The following TREX2 variants were observed in gnomAD, a reference collection of about 807,000 sequenced individuals.
The protein encoded by TREX2 is three prime repair exonuclease 2.
For missense variants in TREX2, 242 were observed against 235.3 expected (o/e 1.03, Z -0.19); for synonymous variants, 121 against 112.1 (o/e 1.08, Z -0.50).
Position 153,444,651 on chromosome X carries a change from G to A in TREX2, c.*69C>T, listed in dbSNP as rs1032255379. On this transcript the variant is annotated 3_prime_UTR_variant, in exon 2 of 2. Transcript: ENST00000370231. The stretch of plus-strand genomic sequence containing the variant: ...TGAGGCTGCCCAGATAGGAGGAGCC[G>A]GGGGTGGTAGAGGCCAGCTGAACGG... 6.1e-5 allele frequency: 68 copies of A among 1,105,699 alleles called. No individual in the cohort carries two copies. Among genetic ancestry groups the A allele is most frequent in the East Asian group, 1.3e-4 (4 of 30,450 alleles). 91.1% of individuals were successfully genotyped at this position (1,105,699 alleles called of 1,213,427 possible). A position where few individuals can be genotyped will look rare whatever the true frequency, so the allele number is the denominator to read the frequency against.
intron 1 of TREX2, chrX:153,445,792 G>C: frequency 2.5e-6 from 1 of 394,443 alleles, no homozygotes; most frequent in South Asian, 3.6e-5. Flanking sequence ...TGGGAACCTG[G>C]GGCATAGCAC....
At position 153,444,664 on chromosome X, in the gene TREX2, G is replaced by T; in HGVS notation, c.*56C>A. On this transcript the variant is annotated 3_prime_UTR_variant, in exon 2 of 2. Transcript: ENST00000370231. ...ATAGGAGGAGCCGGGGGTGGTAGAG[G>T]CCAGCTGAACGGTGGAGGCTGGCAC... 8.8e-7 allele frequency: 1 copy of T among 1,141,646 alleles called. No individual in the cohort carries two copies. The highest frequency in any genetic ancestry group is 1.9e-5 in the South Asian group (1 of 52,180). 94.1% of individuals were successfully genotyped at this position (1,141,646 alleles called of 1,213,427 possible). A position where few individuals can be genotyped will look rare whatever the true frequency, so the allele number is the denominator to read the frequency against.
Position 153,445,019 on chromosome X carries a change from G to A in TREX2, c.412C>T (p.Leu138=). The A allele has an allele frequency of 9.4e-6, 11 of 1,168,870 alleles. No individual in the cohort carries two copies. The highest frequency in any genetic ancestry group is 1.3e-5 in the Non-Finnish European group (11 of 874,096). The change falls in exon 2 of 2, where the codon CTG becomes TTG. Residue 138 remains leucine (L), a synonymous_variant. Coordinates refer to ENST00000370231, the MANE Select transcript of TREX2 (RefSeq NM_080701.4). ...TCCAGGCAGACAGTGTCCCGGGGCA[G>A]GCGGGCACCCAGGCGCCGCAGCTCG... ...CAELRRLGAR[L]PRDTVCLDTL...
rs1396699864 is a variant in TREX2, at chrX:153,444,872, C to G, written c.559G>C (p.Ala187Pro). 8.3e-7 allele frequency: 1 copy of G among 1,204,960 alleles called. No individual in the cohort carries two copies. Among genetic ancestry groups the G allele is most frequent in the Non-Finnish European group, 1.1e-6 (1 of 892,735 alleles). ...HRYFRAEPSA[A>P]HSAEGDVHTL... ...TGCACGTCGCCCTCGGCTGAGTGGG[C>G]TGCGCTTGGCTCTGCCCGGAAGTAG... Residue 187 changes from alanine to proline, a missense_variant, in exon 2 of 2, where the codon GCC becomes CCC. Ala to Pro is a conservative substitution (Grantham distance 27). Transcript: ENST00000370231.
chrX:153,445,784 G>A (rs1447314477), intron 1 of TREX2: 3 of 399,863 alleles, frequency 7.5e-6, no homozygotes, highest in Non-Finnish European at 8.8e-6. Context: ...GCCTTGGCTG[G>A]GAACCTGGGG....
At position 153,445,170 on chromosome X, in the gene TREX2, T is replaced by G. The variant is rs1457444478; in HGVS notation, c.261A>C (p.Arg87=). The change falls in exon 2 of 2, where the codon CGA becomes CGC. Residue 87 remains arginine (R), a synonymous_variant. Coordinates refer to ENST00000370231, the MANE Select transcript of TREX2 (RefSeq NM_080701.4). ...ITGLSSEGLA[R]CRKAGFDGAV... The stretch of plus-strand genomic sequence containing the variant: ...CGCCATCAAAGCCAGCCTTCCGGCA[T>G]CGCGCCAGGCCCTCACTGCTCAGGC... The G allele has an allele frequency of 5.0e-6, 6 of 1,208,443 alleles. No individual in the cohort carries two copies. In the African/African-American group the frequency reaches 1.0e-4, roughly 21 times the overall value.
In TREX2 at chrX:153,445,503, G is replaced by C. The variant is rs185273996; in HGVS notation, c.-65-8C>G. ...AGGCACAAACCCTGAGGACTGGAGA[G>C]AGGGGTTCGCCCGGGCCCTGCTGTG... On this transcript the variant is annotated splice_region_variant and splice_polypyrimidine_tract_variant and intron_variant, in intron 1 of 1. Coordinates refer to ENST00000370231, the MANE Select transcript of TREX2 (RefSeq NM_080701.4). 1.4e-4 allele frequency: 143 copies of C among 1,000,264 alleles called. No individual in the cohort carries two copies. In the East Asian group the frequency reaches 4.3e-3, roughly 30 times the overall value. The allele number at this position is 1,000,264 out of a possible 1,213,427, so 82.4% of individuals were successfully genotyped here. A position where few individuals can be genotyped will look rare whatever the true frequency, so the allele number is the denominator to read the frequency against.
In TREX2 at chrX:153,445,466, T is replaced by C. The variant is rs1471231586; in HGVS notation, c.-36A>G. ...CCACGGGGATAGCAAGTCCTCAAAC[T>C]GTCCGAGCGAGAGGCACAAACCCTG... On this transcript the variant is annotated 5_prime_UTR_variant, in exon 2 of 2. Transcript: ENST00000370231. 1.1e-5 allele frequency: 12 copies of C among 1,088,546 alleles called. No individual in the cohort carries two copies. The East Asian group carries it at 2.0e-4, about 18-fold the overall frequency. The allele number at this position is 1,088,546 out of a possible 1,213,427, so 89.7% of individuals were successfully genotyped here.
chrX:153,444,526 C>A lies in TREX2; in HGVS notation c.*194G>T, dbSNP rs531175165. Among the ~76,000 whole-genome samples, 1 of 113,024 alleles carries A rather than the reference C, an allele frequency of 8.8e-6. No individual in the cohort carries two copies. The highest frequency in any genetic ancestry group is 1.9e-5 in the Non-Finnish European group (1 of 53,272). On this transcript the variant is annotated 3_prime_UTR_variant, in exon 2 of 2. Transcript: ENST00000370231. ...CAGCAAACTCTGCTGGGCACCCAGG[C>A]CAGCCGGGAGAGCACGGCCCTGGAA...
Position 153,444,793 on chromosome X carries a change from T to C in TREX2, c.638A>G (p.Asp213Gly). The C allele has an allele frequency of 8.4e-7, 1 of 1,197,533 alleles. No individual in the cohort carries two copies. Among genetic ancestry groups the C allele is most frequent in the Non-Finnish European group, 1.1e-6 (1 of 889,383 alleles). Residue 213 changes from aspartate to glycine, a missense_variant, in exon 2 of 2, where the codon GAT (aspartate) becomes GGT (glycine). Physicochemically the swap from Asp to Gly is moderately conservative, Grantham distance 94. Transcript: ENST00000370231. ...GTGGGCCCACCCACGGGCCTGCTCA[T>C]CGGCCCAGGCGAGCAGCTCTGCGGC... is the stretch of plus-strand genomic sequence containing the variant. ...HRAAELLAWA[D>G]EQARGWAHIE... is the part of the protein sequence containing the mutation.
Position 153,444,916 on chromosome X carries a change from A to C in TREX2, c.515T>G (p.Leu172Arg). 8.3e-7 allele frequency: 1 copy of C among 1,202,013 alleles called. No homozygotes were observed. The highest frequency in any genetic ancestry group is 1.1e-6 in the Non-Finnish European group (1 of 891,198). The part of the protein sequence containing the change: ...TRARGRQGYS[L>R]GSLFHRYFRA... ...GAAGTAGCGGTGGAAGAGGCTGCCG[A>C]GGCTGTAACCCTGGCGGCCCCGGGC... The change falls in exon 2 of 2, where the codon CTC becomes CGC. Residue 172 changes from leucine to arginine, a missense_variant. Physicochemically the swap from Leu to Arg is moderately radical, Grantham distance 102. Transcript: ENST00000370231.
chrX:153,444,998 G>C lies in TREX2; in HGVS notation c.433C>G (p.Leu145Val). 8.5e-7 allele frequency: 1 copy of C among 1,176,615 alleles called. No homozygotes were observed. Among genetic ancestry groups the C allele is most frequent in the Non-Finnish European group, 1.1e-6 (1 of 877,839 alleles). The change falls in exon 2 of 2, where the codon CTG (leucine) becomes GTG (valine). Residue 145 changes from leucine (L) to valine (V), a missense_variant. Coordinates refer to ENST00000370231, the MANE Select transcript of TREX2 (RefSeq NM_080701.4). ...CCCCGCAGGGCCGGCAGCGTGTCCA[G>C]GCAGACAGTGTCCCGGGGCAGGCGG... ...GARLPRDTVC[L>V]DTLPALRGLD...
At position 153,445,173 on chromosome X, in the gene TREX2, C is replaced by A; in HGVS notation, c.258G>T (p.Ala86=). The change falls in exon 2 of 2, where the codon GCG becomes GCT. Residue 86 remains alanine (A), a synonymous_variant. Coordinates refer to ENST00000370231, the MANE Select transcript of TREX2 (RefSeq NM_080701.4). ...EITGLSSEGL[A]RCRKAGFDGA... is the part of the protein sequence containing the mutation. ...CATCAAAGCCAGCCTTCCGGCATCGCGCCAGGCCCTCACTGCTCAGGCCGG... is the reference window on the plus strand; with the variant it reads ...CATCAAAGCCAGCCTTCCGGCATCGAGCCAGGCCCTCACTGCTCAGGCCGG... 5 of 1,209,641 alleles carry A rather than the reference C, an allele frequency of 4.1e-6. No homozygotes were observed. Among genetic ancestry groups the A allele is most frequent in the Non-Finnish European group, 5.6e-6 (5 of 894,727 alleles).
chrX:153,444,983 C>A lies in TREX2; in HGVS notation c.448G>T (p.Ala150Ser). Residue 150 changes from alanine to serine, a missense_variant, in exon 2 of 2, where the codon GCC becomes TCC. Physicochemically the swap from Ala to Ser is moderately conservative, Grantham distance 99. Coordinates refer to ENST00000370231, the MANE Select transcript of TREX2 (RefSeq NM_080701.4). ...RDTVCLDTLP[A>S]LRGLDRAHSH... is the part of the protein sequence containing the mutation. ...TGGGCGCGGTCCAGGCCCCGCAGGGCCGGCAGCGTGTCCAGGCAGACAGTG... is the reference window on the plus strand; with the variant it reads ...TGGGCGCGGTCCAGGCCCCGCAGGGACGGCAGCGTGTCCAGGCAGACAGTG... 1 of 1,178,457 alleles carries A rather than the reference C, an allele frequency of 8.5e-7. No homozygotes were observed. Among genetic ancestry groups the A allele is most frequent in the South Asian group, 1.9e-5 (1 of 53,444 alleles).
At chrX:153,445,579 G>A in intron 1 of TREX2, 84 bp from the exon 2 acceptor site, 2 of 590,186 alleles carry the variant, frequency 3.4e-6, no homozygotes, top group Middle Eastern at 6.1e-4. Flanking sequence ...CTCACTTCCT[G>A]CCACCCCCGA....
In TREX2 at chrX:153,444,721, C is replaced by G. The variant is rs149998261; in HGVS notation, c.710G>C (p.Ter237SerextTer?). 1.7e-6 allele frequency: 2 copies of G among 1,183,172 alleles called. No homozygotes were observed. The highest frequency in any genetic ancestry group is 1.7e-5 in the African/African-American group (1 of 57,572). The change falls in exon 2 of 2, where the codon TGA (stop) becomes TCA (serine). Residue 237 changes from the stop codon to serine (S), a stop_lost. Transcript: ENST00000370231. ...LPPDDPSLEA[*>S] ...TGGCACAGGAGGTGGCCCTGGTGCT[C>G]AGGCCTCCAGGCTGGGGTCATCAGG...
chrX:153,445,544 A>G, intron 1 of TREX2, 49 bp from the exon 2 acceptor site: 1 of 769,525 alleles, frequency 1.3e-6, no homozygotes, highest in Non-Finnish European at 1.9e-6. Flanking sequence ...TCCTCCCCCT[A>G]GCCAAAGCTC....
At chrX:153,445,901 C>T (rs1360583271) in intron 1 of TREX2, 108 bp downstream of exon 1, 10 of 212,746 alleles carry the variant, frequency 4.7e-5, no homozygotes, top group East Asian at 3.2e-4. Context: ...GCTCGACCTC[C>T]CCACCCTTGT....
In TREX2 at chrX:153,444,540, A is replaced by T. The variant is rs1271924808; in HGVS notation, c.*180T>A. On this transcript the variant is annotated 3_prime_UTR_variant, in exon 2 of 2. Transcript: ENST00000370231. ...GGGCACCCAGGCCAGCCGGGAGAGC[A>T]CGGCCCTGGAAGCGGGGCCTGGAGA... 1.8e-5 allele frequency among the ~76,000 whole-genome samples: 2 copies of T among 112,970 alleles called. No homozygotes were observed. The highest frequency in any genetic ancestry group is 3.8e-5 in the Non-Finnish European group (2 of 53,228).
Sources: gnomAD v4.1 joint callset for allele counts (sites outside exome capture counted in the v4.1 genomes callset) on GRCh38, gnomAD v4.1.1 for gene constraint, MANE v1.5 for transcripts, NCBI Gene and HGNC (gene_info 2026-07-23, HGNC 2026-07-21) for gene names.